ST6GALNAC3: variants seen among roughly 807,000 people sequenced by gnomAD.
The protein encoded by ST6GALNAC3 is ST6 N-acetylgalactosaminide alpha-2,6-sialyltransferase 3.
A neutral mutation model predicts 32.7 loss-of-function variants in ST6GALNAC3; 25 were observed. The observed-to-expected ratio is 0.76, with a 90% CI of 0.56 to 1.07. The LOEUF is 1.07. Ranked by LOEUF, ST6GALNAC3 falls within the 50% of genes least tolerant of loss-of-function variation. ST6GALNAC3 has a pLI of 0.00. For missense variants in ST6GALNAC3, 355 were observed against 382.4 expected, an observed-to-expected ratio of 0.93 and a Z score of 0.60; for synonymous variants, 129 against 133.1, an observed-to-expected ratio of 0.97 and a Z score of 0.21.
intron 1 of ST6GALNAC3, among the ~76,000 whole-genome samples, chr1:76,161,280 C>T (rs1651789738): frequency 6.6e-6 from 1 of 152,212 alleles, no homozygotes; most frequent in Non-Finnish European, 1.5e-5. Context: ...CACTTAGCAG[C>T]CATGTTATTA....
At chr1:76,341,629 C>T (rs186621175) in intron 2 of ST6GALNAC3, among the ~76,000 whole-genome samples, 2 of 130,568 alleles carry the variant, frequency 1.5e-5, no homozygotes, top group African/African-American at 6.3e-5. Flanking sequence ...TTCTTTCTTT[C>T]TTTCTTTCTT....
At chr1:76,595,941 G>A (rs1277156276) in intron 3 of ST6GALNAC3, among the ~76,000 whole-genome samples, 2 of 151,790 alleles carry the variant, frequency 1.3e-5, no homozygotes, top group African/African-American at 2.4e-5. Context: ...AACCAGCTGG[G>A]GAAATTGCTT....
At chr1:76,390,042 A>C (rs2101147911) in intron 2 of ST6GALNAC3, among the ~76,000 whole-genome samples, 1 of 152,208 alleles carries the variant, frequency 6.6e-6, no homozygotes, top group South Asian at 2.1e-4. Flanking sequence ...GCTCTTACAC[A>C]CAAAGTCAGT....
chr1:76,554,740 A>T (rs1245085527), intron 3 of ST6GALNAC3, among the ~76,000 whole-genome samples: 1 of 152,210 alleles, frequency 6.6e-6, no homozygotes, highest in African/African-American at 2.4e-5. Flanking sequence ...CAATGCACTG[A>T]AGCACAAATG....
intron 3 of ST6GALNAC3, among the ~76,000 whole-genome samples, chr1:76,626,602 G>T (rs1488252645): frequency 6.6e-6 from 1 of 151,804 alleles, no homozygotes; most frequent in Non-Finnish European, 1.5e-5. Flanking sequence ...TTGTGATTTT[G>T]TCCTTGCCCT....
At chr1:76,178,317 TGGAG>T (rs1408088150) in intron 1 of ST6GALNAC3, among the ~76,000 whole-genome samples, 1 of 152,218 alleles carries the variant, frequency 6.6e-6, no homozygotes, top group African/African-American at 2.4e-5. Flanking sequence ...CCCAAGGGCA[TGGAG>T]TAATTTCTCA....
intron 3 of ST6GALNAC3, among the ~76,000 whole-genome samples, chr1:76,552,873 G>A (rs1241968380): frequency 6.6e-6 from 1 of 152,024 alleles, no homozygotes; most frequent in Non-Finnish European, 1.5e-5. Flanking sequence ...ATCGGTTTTT[G>A]GTAGATAATA....
intron 2 of ST6GALNAC3, among the ~76,000 whole-genome samples, chr1:76,338,371 A>C (rs1346068534): frequency 6.6e-6 from 1 of 152,168 alleles, no homozygotes; most frequent in East Asian, 1.9e-4. Context: ...AGCCAAATGT[A>C]TTTCAGCCAG....
At position 76,629,866 on chromosome 1, in the gene ST6GALNAC3, A is replaced by T; in HGVS notation, c.*1060A>T. The T allele has an allele frequency of 1.0e-6, 1 of 984,836 alleles. No homozygotes were observed. Among genetic ancestry groups the T allele is most frequent in the Non-Finnish European group, 1.2e-6 (1 of 829,466 alleles). 61.0% of individuals were successfully genotyped at this position (984,836 alleles called of 1,614,324 possible). A position where few individuals can be genotyped will look rare whatever the true frequency, so the allele number is the denominator to read the frequency against. On this transcript the variant is annotated 3_prime_UTR_variant, in exon 5 of 5. Coordinates refer to ENST00000328299, the MANE Select transcript of ST6GALNAC3 (RefSeq NM_152996.4). Reference sequence around the variant, plus strand: ...TCCAAACATTACATTCTCATTGCCAAGTGCCAGCTGTTACACATGGAGAGG... The same window carrying T: ...TCCAAACATTACATTCTCATTGCCATGTGCCAGCTGTTACACATGGAGAGG...
intron 3 of ST6GALNAC3, among the ~76,000 whole-genome samples, chr1:76,572,591 C>T (rs958801430): frequency 6.6e-6 from 1 of 152,130 alleles, no homozygotes; most frequent in Non-Finnish European, 1.5e-5. Flanking sequence ...ACACAGTTAG[C>T]TACTAAAGAA....
intron 2 of ST6GALNAC3, among the ~76,000 whole-genome samples, chr1:76,384,102 T>A (rs1396932713): frequency 3.3e-5 from 5 of 152,126 alleles, no homozygotes; most frequent in Non-Finnish European, 5.9e-5. Flanking sequence ...TTAAATGACA[T>A]ATTGCTTAAC....
chr1:76,515,761 G>T (rs554603731), intron 3 of ST6GALNAC3, among the ~76,000 whole-genome samples: 1 of 152,148 alleles, frequency 6.6e-6, no homozygotes, highest in African/African-American at 2.4e-5. Flanking sequence ...GTACCATTAT[G>T]GTCTGAAAAG....
chr1:76,531,292 A>G (rs894318662), intron 3 of ST6GALNAC3, among the ~76,000 whole-genome samples: 1 of 152,214 alleles, frequency 6.6e-6, no homozygotes. Context: ...TAAATATGGA[A>G]TAACTTCTAA....
intron 3 of ST6GALNAC3, among the ~76,000 whole-genome samples, chr1:76,424,065 T>A (rs904062923): frequency 1.3e-5 from 2 of 152,004 alleles, no homozygotes; most frequent in Non-Finnish European, 2.9e-5. Flanking sequence ...GGTGACTTTT[T>A]CATGACATGT....
intron 2 of ST6GALNAC3, among the ~76,000 whole-genome samples, chr1:76,327,875 C>T (rs987596620): frequency 6.6e-6 from 1 of 152,162 alleles, no homozygotes; most frequent in Admixed American, 6.6e-5. Flanking sequence ...CAGGCGTGAA[C>T]CCCCATGCCT....
At chr1:76,386,049 TC>T (rs1652070651) in intron 2 of ST6GALNAC3, among the ~76,000 whole-genome samples, 1 of 152,106 alleles carries the variant, frequency 6.6e-6, no homozygotes, top group Non-Finnish European at 1.5e-5. Context: ...TTATTCATGT[TC>T]TTTATTTAAG....
At chr1:76,319,129 G>A (rs1438214423) in intron 2 of ST6GALNAC3, among the ~76,000 whole-genome samples, 1 of 152,130 alleles carries the variant, frequency 6.6e-6, no homozygotes, top group East Asian at 1.9e-4. Context: ...CAGTGAGGGT[G>A]ACAGATGTCT....
intron 2 of ST6GALNAC3, among the ~76,000 whole-genome samples, chr1:76,393,972 G>GTCT (rs1239831895): frequency 6.6e-6 from 1 of 152,094 alleles, no homozygotes; most frequent in African/African-American, 2.4e-5. Flanking sequence ...AGAGGGGAGG[G>GTCT]TCTTCTTCCA....
intron 3 of ST6GALNAC3, among the ~76,000 whole-genome samples, chr1:76,580,464 T>C (rs2100544248): frequency 6.6e-6 from 1 of 152,284 alleles, no homozygotes; most frequent in South Asian, 2.1e-4. Context: ...TATATGTAAA[T>C]TATTGAGAAA....
Sources: gnomAD v4.1 joint callset for allele counts (sites outside exome capture counted in the v4.1 genomes callset) on GRCh38, gnomAD v4.1.1 for gene constraint, MANE v1.5 for transcripts, NCBI Gene and HGNC (gene_info 2026-07-23, HGNC 2026-07-21) for gene names.